The following ATXN7L1 variants were observed in gnomAD, a reference collection of about 807,000 sequenced individuals.
ATXN7L1 encodes ataxin-7-like protein 1.
A neutral mutation model predicts 70.8 loss-of-function variants in ATXN7L1; 15 were observed. That is an observed-to-expected ratio of 0.21 (90% CI 0.14 to 0.33). ATXN7L1 has a LOEUF of 0.33. Among genes scored for constraint, ATXN7L1 ranks in the 10% least tolerant of loss-of-function variants. The probability of loss-of-function intolerance (pLI) is 1.00; values close to 1 mark genes in which losing one functional copy is unlikely to be tolerated. For synonymous variants in ATXN7L1, 440 were observed against 445.1 expected (o/e 0.99, Z 0.14); for missense variants, 975 against 1,097.1 (o/e 0.89, Z 1.57).
At chr7:105,867,162 C>T (rs754845655) in intron 2 of ATXN7L1, among the ~76,000 whole-genome samples, 40 of 152,156 alleles carry the variant, frequency 2.6e-4, no homozygotes, top group Admixed American at 7.2e-4. Flanking sequence ...ACCTGGCACA[C>T]AGGTCAGAAG....
chr7:105,773,879 TA>T (rs1563081541), intron 3 of ATXN7L1, among the ~76,000 whole-genome samples: 1 of 151,578 alleles, frequency 6.6e-6, no homozygotes, highest in Non-Finnish European at 1.5e-5. Context: ...GAGAAGTGGT[TA>T]AAAAAAATAA....
intron 3 of ATXN7L1, among the ~76,000 whole-genome samples, chr7:105,744,307 C>G (rs1200414030): frequency 1.3e-5 from 2 of 152,212 alleles, no homozygotes; most frequent in African/African-American, 2.4e-5. Flanking sequence ...ATTTTACATG[C>G]ACAACCATTT....
chr7:105,674,104 G>A lies in ATXN7L1; in HGVS notation c.356-8816C>T, dbSNP rs559595430. ...GGCAGGGCTGAGGAGCCGAGGAGGC[G>A]TTCCTTAAGCAAAGGTTATGCTAGG... On this transcript the variant is annotated intron_variant, in intron 3 of 11. Coordinates refer to ENST00000419735, the MANE Select transcript of ATXN7L1 (RefSeq NM_020725.2). Among the ~76,000 whole-genome samples, 7 of 152,330 alleles carry A rather than the reference G, an allele frequency of 4.6e-5. No homozygotes were observed. The South Asian group carries it at 6.2e-4, about 14-fold the overall frequency.
intron 7 of ATXN7L1, among the ~76,000 whole-genome samples, chr7:105,628,633 C>CA (rs1306159520): frequency 2.9e-4 from 42 of 146,320 alleles, no homozygotes; most frequent in South Asian, 4.3e-4. Flanking sequence ...ACTAAAAATA[C>CA]AAAAAAAAAA....
chr7:105,824,481 C>A (rs1810583253), intron 2 of ATXN7L1, among the ~76,000 whole-genome samples: 1 of 151,654 alleles, frequency 6.6e-6, no homozygotes. Flanking sequence ...AACCAGGATG[C>A]AACGGTAAGA....
At position 105,667,498 on chromosome 7, in the gene ATXN7L1, GA is replaced by G. The variant is rs1441403389; in HGVS notation, c.356-2211del. The stretch of plus-strand genomic sequence containing the variant: ...GCGGATCACGAGGTCAGGAGATCGA[GA>G]CCATCCCGGCTAAAATGGTGAAACC... On this transcript the variant is annotated intron_variant, in intron 3 of 11. Transcript: ENST00000419735. Among the ~76,000 whole-genome samples, 14 of 99,434 alleles carry G rather than the reference GA, an allele frequency of 1.4e-4. 4 individuals carry two copies. The Admixed American group carries it at 1.6e-3, about 11-fold the overall frequency. The allele number at this position is 99,434 out of a possible 152,430, so 65.2% of individuals were successfully genotyped here.
intron 4 of ATXN7L1, among the ~76,000 whole-genome samples, chr7:105,643,378 C>T (rs1033344715): frequency 6.6e-6 from 1 of 152,138 alleles, no homozygotes; most frequent in Non-Finnish European, 1.5e-5. Context: ...GAGCTGTCCC[C>T]ATAGATCCTG....
At chr7:105,781,905 T>C (rs1313086811) in intron 3 of ATXN7L1, among the ~76,000 whole-genome samples, 1 of 152,140 alleles carries the variant, frequency 6.6e-6, no homozygotes, top group Non-Finnish European at 1.5e-5. Context: ...AGGGGCACAA[T>C]CTCAGCTCAC....
At position 105,614,447 on chromosome 7, in the gene ATXN7L1, G is replaced by C; in HGVS notation, c.1887C>G (p.Val629=). Residue 629 remains valine (V), a synonymous_variant, in exon 10 of 12, where the codon GTC becomes GTG. Transcript: ENST00000419735. The surrounding 1 kb of genome is among the most constrained non-coding windows in gnomAD (Gnocchi z 4.3). ...SKTKTSKSSK[V]KDLSTRSDES... ...CGTCGCTACGGGTGGACAGGTCTTT[G>C]ACTTTTGAGGATTTGCTGGTTTTGG... is the stretch of plus-strand genomic sequence containing the variant. 3 of 1,542,958 alleles carry C rather than the reference G, an allele frequency of 1.9e-6. No individual in the cohort carries two copies. The highest frequency in any genetic ancestry group is 2.6e-6 in the Non-Finnish European group (3 of 1,141,938).
At chr7:105,781,430 C>T (rs2116464077) in intron 3 of ATXN7L1, among the ~76,000 whole-genome samples, 1 of 152,284 alleles carries the variant, frequency 6.6e-6, no homozygotes. Context: ...AGTATAGGCA[C>T]CTTGCACCTC....
chr7:105,608,769 C>T (rs1276629793), intron 11 of ATXN7L1, among the ~76,000 whole-genome samples: 1 of 152,190 alleles, frequency 6.6e-6, no homozygotes, highest in Non-Finnish European at 1.5e-5. Context: ...AATCTTTACC[C>T]AAACTCTACC....
intron 3 of ATXN7L1, among the ~76,000 whole-genome samples, chr7:105,691,797 C>T (rs1790902487): frequency 6.6e-6 from 1 of 152,096 alleles, no homozygotes; most frequent in South Asian, 2.1e-4. Context: ...GTGCACAGCC[C>T]GACGGCTGAC....
intron 3 of ATXN7L1, among the ~76,000 whole-genome samples, chr7:105,682,704 A>G (rs1805692722): frequency 6.6e-6 from 1 of 152,224 alleles, no homozygotes; most frequent in Admixed American, 6.5e-5. Context: ...ATATAGTATG[A>G]TTCCATTTAA....
intron 2 of ATXN7L1, 58 bp from the exon 3 acceptor site, chr7:105,788,766 T>TTTCCTTCTG (rs1196338077): frequency 7.4e-7 from 1 of 1,348,808 alleles, no homozygotes; most frequent in Non-Finnish European, 1.1e-6. Flanking sequence ...TCAGAAGGTG[T>TTTCCTTCTG]ACAGTTTCCT....
chr7:105,821,333 C>A (rs1687353382), intron 2 of ATXN7L1, among the ~76,000 whole-genome samples: 3 of 152,212 alleles, frequency 2.0e-5, no homozygotes, highest in African/African-American at 7.2e-5. Flanking sequence ...GCCACCACGC[C>A]TGGCTGAAAC....
intron 3 of ATXN7L1, among the ~76,000 whole-genome samples, chr7:105,772,728 G>A (rs1802183974): frequency 6.6e-6 from 1 of 151,802 alleles, no homozygotes; most frequent in Non-Finnish European, 1.5e-5. Flanking sequence ...TACAGAGCAA[G>A]CAAACAAAAA....
chr7:105,643,169 C>T (rs1363515767), intron 4 of ATXN7L1, 48 bp from the exon 5 acceptor site: 1 of 1,463,790 alleles, frequency 6.8e-7, no homozygotes, highest in African/African-American at 1.4e-5. Flanking sequence ...TTTGATACAT[C>T]TAGTCTGCTG....
intron 3 of ATXN7L1, among the ~76,000 whole-genome samples, chr7:105,718,926 C>T (rs554123997): frequency 6.6e-6 from 1 of 152,154 alleles, no homozygotes; most frequent in Non-Finnish European, 1.5e-5. Context: ...GAGAGAAGCA[C>T]CTGCTCTAGG....
At chr7:105,695,251 C>A (rs112386665) in intron 3 of ATXN7L1, among the ~76,000 whole-genome samples, 16,339 of 152,238 alleles carry the variant, frequency 0.11, 913 homozygotes, top group Non-Finnish European at 0.12. Context: ...CACACCACTG[C>A]GCTCCAGCCT....
Sources: allele counts gnomAD v4.1 joint callset (sites outside exome capture counted in the v4.1 genomes callset), GRCh38; gene constraint gnomAD v4.1.1; non-coding constraint Gnocchi (gnomAD v3.1); transcripts MANE v1.5; gene names NCBI Gene and HGNC (gene_info 2026-07-23, HGNC 2026-07-21).